Variants in SUN1 observed in about 807,000 individuals in gnomAD.
The protein encoded by SUN1 is Sad1 and UNC84 domain containing 1.
Under a neutral mutation model 103.2 loss-of-function variants are expected in SUN1, and 61 were observed. That is an observed-to-expected ratio of 0.59 (90% CI 0.48 to 0.73). The LOEUF (loss-of-function observed/expected upper bound fraction) is 0.73, where lower values mean the gene tolerates loss of function less well. Among genes scored for constraint, SUN1 ranks in the 30% least tolerant of loss-of-function variants. SUN1 has a pLI of 0.00. For synonymous variants in SUN1, 490 were observed against 425.7 expected, an observed-to-expected ratio of 1.15 and a Z score of -1.86; for missense variants, 1,052 against 1,034.6, an observed-to-expected ratio of 1.02 and a Z score of -0.23.
chr7:823,040 G>A (rs1359707778), intron 1 of SUN1, among the ~76,000 whole-genome samples: 3 of 152,270 alleles, frequency 2.0e-5, no homozygotes, highest in Non-Finnish European at 4.4e-5. Flanking sequence ...TCCTGTACAG[G>A]ATTTTTCCGG....
At chr7:829,656 G>A (rs1330789643), upstream of SUN1, among the ~76,000 whole-genome samples, 2 of 151,154 alleles carry the variant, frequency 1.3e-5, no homozygotes, top group Non-Finnish European at 2.9e-5. Context: ...CCAGGTTCAT[G>A]CCATTCTCCT....
intron 17 of SUN1, among the ~76,000 whole-genome samples, chr7:870,315 C>T (rs776113628): frequency 5.3e-5 from 8 of 151,448 alleles, no homozygotes; most frequent in Non-Finnish European, 8.8e-5. Flanking sequence ...ATTGGCCAGG[C>T]GCTGTGGCTC....
chr7:836,867 G>T (rs999507132), intron 1 of SUN1, among the ~76,000 whole-genome samples: 9 of 152,210 alleles, frequency 5.9e-5, no homozygotes, highest in Non-Finnish European at 1.2e-4. Context: ...ATGGCATCTG[G>T]CTTTTCTGGG....
chr7:867,211 C>T (rs189096543), intron 16 of SUN1, among the ~76,000 whole-genome samples: 2 of 152,368 alleles, frequency 1.3e-5, no homozygotes, highest in Admixed American at 1.3e-4. Context: ...GGCTCACCAG[C>T]ACTTTGCTCC....
At chr7:861,729 G>A (rs938125340) in intron 15 of SUN1, among the ~76,000 whole-genome samples, 2 of 152,208 alleles carry the variant, frequency 1.3e-5, no homozygotes, top group African/African-American at 2.4e-5. Flanking sequence ...AAGTGTGCTC[G>A]ACTGTTCACT....
Position 817,553 on chromosome 7 carries a change from C to T in SUN1, c.-74+880C>T, listed in dbSNP as rs954413978. The T allele has an allele frequency of 6.5e-6, 10 of 1,527,966 alleles. No individual in the cohort carries two copies. The Middle Eastern group carries it at 6.7e-4, about 102-fold the overall frequency. 94.7% of individuals were successfully genotyped at this position (1,527,966 alleles called of 1,614,324 possible). A position where few individuals can be genotyped will look rare whatever the true frequency, so the allele number is the denominator to read the frequency against. ...CTCGCTTTGCAGCTTGTGGTTGCTG[C>T]GTCTGGCTCTGATTCCGGGTGGGAA... On this transcript the variant is annotated intron_variant, in intron 1 of 17. Coordinates refer to the SUN1 transcript ENST00000389574.
intron 1 of SUN1, among the ~76,000 whole-genome samples, chr7:819,633 A>G (rs563172755): frequency 1.7e-4 from 26 of 151,420 alleles, no homozygotes; most frequent in Admixed American, 7.9e-4. Flanking sequence ...GTCAAAATCA[A>G]TTGATTAGAT....
At chr7:871,526 C>T (rs566906271) in intron 17 of SUN1, among the ~76,000 whole-genome samples, 133 of 152,180 alleles carry the variant, frequency 8.7e-4, no homozygotes, top group African/African-American at 3.1e-3. Flanking sequence ...TAGCCGGGAC[C>T]ACAGGCGCCC....
Position 861,402 on chromosome 7 carries a change from G to A in SUN1, c.1802G>A (p.Ser601Asn), listed in dbSNP as rs1163475842. Residue 601 changes from serine (S) to asparagine (N), a missense_variant, in exon 15 of 19, where the codon AGC becomes AAC. Ser to Asn is a conservative substitution (Grantham distance 46). This residue lies in a region of SUN1 where 206 missense variants were observed against 260.1 expected (regional missense o/e 0.79). Transcript: ENST00000401592. Reference sequence around the variant, plus strand: ...CAGCAAGCACGTGCCATCGTGAACAGCGCCTTGAAGCTGTATTCCCAAGAT... The same window carrying A: ...CAGCAAGCACGTGCCATCGTGAACAACGCCTTGAAGCTGTATTCCCAAGAT... ...TEAQARAIVN[S>N]ALKLYSQDKT... 1 of 1,614,232 alleles carries A rather than the reference G, an allele frequency of 6.2e-7. No homozygotes were observed. Among genetic ancestry groups the A allele is most frequent in the African/African-American group, 1.3e-5 (1 of 75,060 alleles).
chr7:824,896 G>C (rs1461782551), intron 1 of SUN1, among the ~76,000 whole-genome samples: 2 of 152,164 alleles, frequency 1.3e-5, no homozygotes, highest in African/African-American at 4.8e-5. Flanking sequence ...TGCTCCAGGG[G>C]TGCTCGGAGG....
upstream of SUN1, among the ~76,000 whole-genome samples, chr7:829,268 A>G (rs1249592716): frequency 6.6e-6 from 1 of 152,222 alleles, no homozygotes; most frequent in Non-Finnish European, 1.5e-5. Context: ...TCACATGGGA[A>G]GGCTCTAATG....
At chr7:832,241 C>T (rs528689646), upstream of SUN1, 81 of 578,922 alleles carry the variant, frequency 1.4e-4, 1 homozygote, top group Middle Eastern at 1.1e-3. Context: ...CCTGGTTTCA[C>T]GAGTCAGCCA....
At chr7:842,360 A>T (rs558782508) in intron 3 of SUN1, 25 of 551,682 alleles carry the variant, frequency 4.5e-5, no homozygotes, top group African/African-American at 4.4e-4. Flanking sequence ...AGCTGCTTCC[A>T]TGTGCGCCTT....
chr7:825,275 G>T (rs540802440), intron 1 of SUN1, among the ~76,000 whole-genome samples: 1 of 152,322 alleles, frequency 6.6e-6, no homozygotes, highest in East Asian at 1.9e-4. Context: ...TGTTAGTCAG[G>T]TTGGTCTTGA....
In SUN1 at chr7:843,771, AT is replaced by A. The variant is rs1325954381; in HGVS notation, c.658+254del. 1.8e-5 allele frequency: 26 copies of A among 1,426,590 alleles called. No homozygotes were observed. In the East Asian group the frequency reaches 6.2e-4, roughly 34 times the overall value. 88.4% of individuals were successfully genotyped at this position (1,426,590 alleles called of 1,614,324 possible). On this transcript the variant is annotated intron_variant, in intron 5 of 18. Transcript: ENST00000401592. ...TTGGACTTGACGTGAGCAAAAGAAA[AT>A]TTCTACGTAAGCGAAACTAATAAAA...
chr7:852,428 A>G, intron 7 of SUN1, 181 bp from the exon 8 acceptor site: 1 of 707,058 alleles, frequency 1.4e-6, no homozygotes, highest in Non-Finnish European at 2.4e-6. Flanking sequence ...GTAGGTCTCA[A>G]AGACACCATT....
intron 3 of SUN1, 62 bp downstream of exon 3, chr7:842,192 G>A: frequency 1.3e-6 from 2 of 1,559,698 alleles, no homozygotes; most frequent in Non-Finnish European, 1.7e-6. Context: ...AGATTATGCT[G>A]GGGAGAGGGG....
upstream of SUN1, chr7:816,283 C>G (rs1362891011): frequency 6.8e-5 from 14 of 206,730 alleles, no homozygotes; most frequent in Non-Finnish European, 9.4e-5. Context: ...GATGCAAACC[C>G]CCCCCAGCAG....
intron 5 of SUN1, 92 bp downstream of exon 5, chr7:843,612 T>A (rs1812297248): frequency 6.2e-7 from 1 of 1,607,678 alleles, no homozygotes; most frequent in African/African-American, 1.3e-5. Context: ...ACTATTTGTC[T>A]TGGAGACTTA....
Sources: allele counts gnomAD v4.1 joint callset (sites outside exome capture counted in the v4.1 genomes callset), GRCh38; gene constraint gnomAD v4.1.1; regional missense constraint gnomAD v4.1.1; transcripts MANE v1.5; gene names NCBI Gene and HGNC (gene_info 2026-07-23, HGNC 2026-07-21).